The following RAP1GAP variants were observed in gnomAD, a reference collection of about 807,000 sequenced individuals.
The protein encoded by RAP1GAP is RAP1 GTPase activating protein.
Under a neutral mutation model 87.2 loss-of-function variants are expected in RAP1GAP, and 35 were observed. The ratio of observed to expected loss-of-function variants is 0.40; its 90% CI spans 0.31 to 0.53. RAP1GAP has a LOEUF of 0.53. Among genes scored for constraint, RAP1GAP ranks in the 20% least tolerant of loss-of-function variants. The pLI is 0.48. For synonymous variants in RAP1GAP, 375 were observed against 363.9 expected, an observed-to-expected ratio of 1.03 and a Z score of -0.35; for missense variants, 734 against 898.9, an observed-to-expected ratio of 0.82 and a Z score of 2.35.
chr1:21,660,345 A>ATATATATT lies in RAP1GAP; in HGVS notation c.-149+8908_-149+8909insAATATATA. On this transcript the variant is annotated intron_variant, in intron 1 of 24. Coordinates refer to ENST00000374765, the MANE Select transcript of RAP1GAP (RefSeq NM_002885.4). ...AGAGTGGGTTCCAACTCAGCTATAT[A>ATATATATT]TATTTATTGAGACAGTCTCGCTCTG... is the stretch of plus-strand genomic sequence containing the variant. Among the ~76,000 whole-genome samples, 2 of 92,638 alleles carry ATATATATT rather than the reference A, an allele frequency of 2.2e-5. 1 individual carries two copies. The highest frequency in any genetic ancestry group is 2.4e-4 in the Admixed American group (2 of 8,504). The allele number at this position is 92,638 out of a possible 152,430, so 60.8% of individuals were successfully genotyped here.
Position 21,608,898 on chromosome 1 carries a change from G to A in RAP1GAP, c.1110C>T (p.Ile370=), listed in dbSNP as rs1461798075. The change falls in exon 16 of 25, where the codon ATC becomes ATT. Residue 370 remains isoleucine, a synonymous_variant. Transcript: ENST00000374765. ...EFQEFLLTKL[I]NAEYACYKAE... is the part of the protein sequence containing the mutation. The stretch of plus-strand genomic sequence containing the variant: ...CCTTGTAGCAGGCATATTCAGCATT[G>A]ATCAGCTTTGTCAGCAAAAATTCCT... 6.2e-7 allele frequency: 1 copy of A among 1,614,120 alleles called. No homozygotes were observed. Among genetic ancestry groups the A allele is most frequent in the Non-Finnish European group, 8.5e-7 (1 of 1,179,996 alleles).
chr1:21,598,328 T>C, intron 22 of RAP1GAP, 72 bp downstream of exon 22: 1 of 1,357,700 alleles, frequency 7.4e-7, no homozygotes. Context: ...GCATGGGAAC[T>C]GGTGCCCAGC....
intron 2 of RAP1GAP, among the ~76,000 whole-genome samples, chr1:21,645,617 T>G (rs2095978380): frequency 6.6e-6 from 1 of 152,160 alleles, no homozygotes; most frequent in Non-Finnish European, 1.5e-5. Flanking sequence ...GCCAAGGGGA[T>G]GAGGCAGGAG....
chr1:21,610,067 A>AGCTGC, intron 14 of RAP1GAP, 53 bp downstream of exon 14: 1 of 1,590,590 alleles, frequency 6.3e-7, no homozygotes, highest in South Asian at 1.1e-5. Flanking sequence ...GGGAGGGCAG[A>AGCTGC]GCTGCAGCCA....
chr1:21,597,919 G>A (rs868455940), intron 23 of RAP1GAP, 42 bp downstream of exon 23: 7 of 1,536,060 alleles, frequency 4.6e-6, no homozygotes, highest in Non-Finnish European at 3.5e-6. Context: ...TCCCCTCCCG[G>A]GTGGGGCTCC....
intron 1 of RAP1GAP, among the ~76,000 whole-genome samples, chr1:21,657,998 C>G (rs867847141): frequency 5.9e-5 from 9 of 152,160 alleles, no homozygotes; most frequent in African/African-American, 2.2e-4. Context: ...TTTCAGTCCT[C>G]AGAAATGACG....
intron 2 of RAP1GAP, among the ~76,000 whole-genome samples, chr1:21,643,698 T>C (rs1193512529): frequency 1.3e-5 from 2 of 152,188 alleles, no homozygotes; most frequent in Non-Finnish European, 2.9e-5. Flanking sequence ...CCTCTCAAAA[T>C]GCAAATGCTT....
intron 3 of RAP1GAP, among the ~76,000 whole-genome samples, chr1:21,623,412 C>A (rs544539223): frequency 3.3e-5 from 5 of 152,246 alleles, no homozygotes; most frequent in African/African-American, 9.6e-5. Context: ...GGCCTTGCTA[C>A]CACTTCCTCC....
intron 11 of RAP1GAP, 97 bp downstream of exon 11, chr1:21,611,916 GCAGCCCCTGGGCT>G (rs2078580089): frequency 5.4e-6 from 8 of 1,484,496 alleles, no homozygotes; most frequent in Non-Finnish European, 7.5e-6. Context: ...AGGACCTCTG[GCAGCCCCTGGGCT>G]CCTGAGTCCC....
At chr1:21,631,952 C>T (rs923357337) in intron 2 of RAP1GAP, among the ~76,000 whole-genome samples, 1 of 152,186 alleles carries the variant, frequency 6.6e-6, no homozygotes, top group African/African-American at 2.4e-5. Context: ...CAGCCACCGC[C>T]AAGCGCCTTC....
intron 1 of RAP1GAP, among the ~76,000 whole-genome samples, chr1:21,666,980 C>G (rs562391268): frequency 6.6e-6 from 1 of 151,724 alleles, no homozygotes; most frequent in Non-Finnish European, 1.5e-5. Context: ...CAGGCAGAGT[C>G]GGGGGCAGGG....
Position 21,597,700 on chromosome 1 carries a change from C to A in RAP1GAP, c.*20G>T. ...CTGGGTCTAACCTGCTCAGTTTCAC[C>A]TTCAGAGGGGGTGGCCCGGCTAACA... On this transcript the variant is annotated 3_prime_UTR_variant, in exon 24 of 25. Transcript: ENST00000374765. 6.2e-7 allele frequency: 1 copy of A among 1,612,728 alleles called. No individual in the cohort carries two copies. The highest frequency in any genetic ancestry group is 8.5e-7 in the Non-Finnish European group (1 of 1,179,044).
At chr1:21,619,318 G>T (rs924655519) in intron 4 of RAP1GAP, among the ~76,000 whole-genome samples, 2 of 152,076 alleles carry the variant, frequency 1.3e-5, no homozygotes, top group Non-Finnish European at 2.9e-5. Context: ...CGCACGTGCC[G>T]CTGGGAGTGG....
intron 1 of RAP1GAP, chr1:21,651,608 G>A (rs1289639789): frequency 1.4e-6 from 1 of 712,244 alleles, no homozygotes; most frequent in Middle Eastern, 2.5e-4. Flanking sequence ...ACACACACAG[G>A]CGCCACAGCA....
chr1:21,651,881 G>C, intron 1 of RAP1GAP: 1 of 1,028,462 alleles, frequency 9.7e-7, no homozygotes, highest in Non-Finnish European at 1.2e-6. Context: ...TCCCGCGCCC[G>C]GGTCACCTTG....
In RAP1GAP at chr1:21,609,705, A is replaced by G; in HGVS notation, c.1000-59T>C. The G allele has an allele frequency of 7.5e-7, 1 of 1,329,476 alleles. No homozygotes were observed. The highest frequency in any genetic ancestry group is 2.3e-5 in the Admixed American group (1 of 43,358). 82.4% of individuals were successfully genotyped at this position (1,329,476 alleles called of 1,614,324 possible). A position where few individuals can be genotyped will look rare whatever the true frequency, so the allele number is the denominator to read the frequency against. ...GCCTGGGGTCTGCTCTGCCCCACCC[A>G]GCCAGAAACCCCTACTGTGCCTCCC... On this transcript the variant is annotated intron_variant, in intron 14 of 24. Transcript: ENST00000374765. The surrounding 1 kb of genome is among the most constrained non-coding windows in gnomAD (Gnocchi z 4.4).
At chr1:21,629,853 A>C (rs2093360460) in intron 2 of RAP1GAP, among the ~76,000 whole-genome samples, 1 of 152,238 alleles carries the variant, frequency 6.6e-6, no homozygotes, top group Non-Finnish European at 1.5e-5. Flanking sequence ...CAGGCCAGGC[A>C]TTTGGACACA....
intron 1 of RAP1GAP, among the ~76,000 whole-genome samples, chr1:21,661,409 A>G (rs1429508868): frequency 1.3e-5 from 2 of 152,198 alleles, no homozygotes; most frequent in Non-Finnish European, 2.9e-5. Context: ...TAAATGTTCA[A>G]TGAATGAATG....
At chr1:21,632,463 C>G (rs1006223889) in intron 2 of RAP1GAP, among the ~76,000 whole-genome samples, 2 of 152,218 alleles carry the variant, frequency 1.3e-5, no homozygotes, top group African/African-American at 4.8e-5. Flanking sequence ...CAATTGCCAG[C>G]AGGGCAAACT....
Sources: gnomAD v4.1 joint callset for allele counts (sites outside exome capture counted in the v4.1 genomes callset) on GRCh38, gnomAD v4.1.1 for gene constraint, Gnocchi (gnomAD v3.1) non-coding constraint, MANE v1.5 for transcripts, NCBI Gene and HGNC (gene_info 2026-07-23, HGNC 2026-07-21) for gene names.